The following KHDRBS2 variants were observed in gnomAD, a reference collection of about 807,000 sequenced individuals.
KHDRBS2 encodes the protein KH domain-containing, RNA-binding, signal transduction-associated protein 2.
KHDRBS2 carries 26 observed loss-of-function variants against 44.3 expected under a neutral mutation model. That is an observed-to-expected ratio of 0.59 (90% CI 0.43 to 0.81). The LOEUF is 0.81. KHDRBS2 is among the 40% of genes least tolerant of loss of function. The pLI is 0.00. For synonymous variants in KHDRBS2, 194 were observed against 151.1 expected, an observed-to-expected ratio of 1.28 and a Z score of -2.08; for missense variants, 476 against 433.1, an observed-to-expected ratio of 1.10 and a Z score of -0.88.
chr6:61,686,569 T>TA (rs1260133473), intron 8 of KHDRBS2, among the ~76,000 whole-genome samples: 1 of 151,898 alleles, frequency 6.6e-6, no homozygotes, highest in African/African-American at 2.4e-5. Flanking sequence ...TATCATATTT[T>TA]AAAAAACTCT....
intron 2 of KHDRBS2, among the ~76,000 whole-genome samples, chr6:62,162,849 T>C (rs535128545): frequency 3.3e-5 from 5 of 152,148 alleles, no homozygotes; most frequent in Non-Finnish European, 2.9e-5. Context: ...TCCATGGTTT[T>C]TGACATGACC....
rs571212678 is a variant in KHDRBS2 at position 61,888,512 on chromosome 6, G to T, written c.810+6123C>A. On this transcript the variant is annotated intron_variant, in intron 6 of 8. Coordinates refer to ENST00000281156, the MANE Select transcript of KHDRBS2 (RefSeq NM_152688.4). ...AACGGAAAGGAAACACATATGCAGA[G>T]AAAACAGAGATGAGATAGGAAGAGA... is the stretch of plus-strand genomic sequence containing the variant. Among the ~76,000 whole-genome samples, 18 of 149,896 alleles carry T rather than the reference G, an allele frequency of 1.2e-4. No homozygotes were observed. In the East Asian group the frequency reaches 3.3e-3, roughly 28 times the overall value.
chr6:62,243,802 G>A (rs1383527414), intron 1 of KHDRBS2, among the ~76,000 whole-genome samples: 2 of 152,084 alleles, frequency 1.3e-5, no homozygotes. Flanking sequence ...CAGAGCTGCT[G>A]AGAGGATGGG....
intron 6 of KHDRBS2, among the ~76,000 whole-genome samples, chr6:61,845,047 T>C (rs1185845295): frequency 6.6e-6 from 1 of 152,184 alleles, no homozygotes; most frequent in Non-Finnish European, 1.5e-5. Flanking sequence ...CAAGATAAAC[T>C]CTAGATATTT....
At chr6:61,848,469 T>TATATATATATATATATA (rs1794737906) in intron 6 of KHDRBS2, among the ~76,000 whole-genome samples, 1 of 73,700 alleles carries the variant, frequency 1.4e-5, no homozygotes, top group Non-Finnish European at 2.5e-5. Context: ...AATGGAGGTT[T>TATATATATATATATATA]TATATATATA....
chr6:61,559,630 C>A, the KHDRBS2 span, among the ~76,000 whole-genome samples: 1 of 151,902 alleles, frequency 6.6e-6, no homozygotes, highest in African/African-American at 2.4e-5. Flanking sequence ...ATTTTATAAC[C>A]CACTATTTTA....
intron 2 of KHDRBS2, among the ~76,000 whole-genome samples, chr6:62,098,041 CCCA>C (rs771417837): frequency 1.3e-5 from 2 of 152,038 alleles, no homozygotes; most frequent in Non-Finnish European, 2.9e-5. Flanking sequence ...TTCTATTCCC[CCCA>C]CATTTGGAAT....
chr6:61,601,050 C>T, the KHDRBS2 span, among the ~76,000 whole-genome samples: 14 of 152,306 alleles, frequency 9.2e-5, no homozygotes, highest in East Asian at 3.9e-4. Flanking sequence ...TGTTTGATCA[C>T]TGCAGGGATG....
At chr6:61,975,354 A>C (rs1772361931) in intron 4 of KHDRBS2, among the ~76,000 whole-genome samples, 1 of 152,140 alleles carries the variant, frequency 6.6e-6, no homozygotes, top group Non-Finnish European at 1.5e-5. Flanking sequence ...AGAATTCTTC[A>C]TCTACAATGT....
chr6:61,889,489 C>T (rs1298809164), intron 6 of KHDRBS2, among the ~76,000 whole-genome samples: 2 of 151,930 alleles, frequency 1.3e-5, no homozygotes, highest in Admixed American at 1.3e-4. Context: ...TCCTTTACTC[C>T]TCTCTCTTTC....
chr6:61,688,643 G>T (rs1253161670), intron 8 of KHDRBS2, among the ~76,000 whole-genome samples: 1 of 151,862 alleles, frequency 6.6e-6, no homozygotes, highest in Non-Finnish European at 1.5e-5. Flanking sequence ...GAGCAGAAAT[G>T]AGCCATAGTT....
At chr6:61,945,126 T>TAC (rs1229588613) in intron 4 of KHDRBS2, among the ~76,000 whole-genome samples, 1 of 89,754 alleles carries the variant, frequency 1.1e-5, no homozygotes, top group East Asian at 2.6e-4. Context: ...TATATATATA[T>TAC]ATATATATAT....
intron 4 of KHDRBS2, among the ~76,000 whole-genome samples, chr6:61,905,401 A>G (rs1235333932): frequency 6.6e-6 from 1 of 152,178 alleles, no homozygotes; most frequent in Non-Finnish European, 1.5e-5. Context: ...TTCTAGGTGC[A>G]GAAATAGCTA....
At chr6:61,659,595 G>A in the KHDRBS2 span, among the ~76,000 whole-genome samples, 1 of 151,664 alleles carries the variant, frequency 6.6e-6, no homozygotes, top group Non-Finnish European at 1.5e-5. Flanking sequence ...TTAATATCCT[G>A]AACTAAAACC....
the KHDRBS2 span, among the ~76,000 whole-genome samples, chr6:61,603,667 A>C: frequency 6.6e-6 from 1 of 152,098 alleles, no homozygotes. Flanking sequence ...CACTCTCTAC[A>C]GTTCTCATAA....
intron 2 of KHDRBS2, among the ~76,000 whole-genome samples, chr6:62,061,927 T>A: frequency 6.6e-6 from 1 of 151,862 alleles, no homozygotes; most frequent in Non-Finnish European, 1.5e-5. Context: ...ATTTATTTCA[T>A]CTTCCATCGC....
chr6:61,945,932 G>C (rs946723179), intron 4 of KHDRBS2, among the ~76,000 whole-genome samples: 1 of 152,134 alleles, frequency 6.6e-6, no homozygotes, highest in African/African-American at 2.4e-5. Context: ...TAAAGAACTA[G>C]TAAGTCTTGC....
At chr6:62,030,681 T>G (rs1249461388) in intron 3 of KHDRBS2, among the ~76,000 whole-genome samples, 2 of 152,078 alleles carry the variant, frequency 1.3e-5, no homozygotes, top group Non-Finnish European at 1.5e-5. Context: ...AGCCGAAACA[T>G]TAGTACTTTC....
At chr6:61,833,945 C>T (rs1416975433) in intron 6 of KHDRBS2, among the ~76,000 whole-genome samples, 2 of 151,986 alleles carry the variant, frequency 1.3e-5, no homozygotes, top group African/African-American at 4.8e-5. Flanking sequence ...TGTTTCTATG[C>T]AACAGCCAGA....
Sources: allele counts gnomAD v4.1 joint callset (sites outside exome capture counted in the v4.1 genomes callset), GRCh38; gene constraint gnomAD v4.1.1; transcripts MANE v1.5; gene names NCBI Gene and HGNC (gene_info 2026-07-23, HGNC 2026-07-21).